Variants in DUS4L observed in about 807,000 individuals in gnomAD.
DUS4L encodes the protein tRNA-dihydrouridine(20a/20b) synthase [NAD(P)+]-like.
Under a neutral mutation model 33.8 loss-of-function variants are expected in DUS4L, and 31 were observed. The observed-to-expected ratio is 0.92, with a 90% confidence interval of 0.69 to 1.24. The LOEUF is 1.24. DUS4L is among the 50% of genes most tolerant of loss of function. The pLI is 0.00. For synonymous variants in DUS4L, 103 were observed against 120.3 expected, an observed-to-expected ratio of 0.86 and a Z score of 0.94; for missense variants, 368 against 388.6, an observed-to-expected ratio of 0.95 and a Z score of 0.45.
rs771211779 is a variant in DUS4L, at chr7:107,577,465, G to T, written c.859G>T (p.Glu287Ter). 1 of 1,614,112 alleles carries T rather than the reference G, an allele frequency of 6.2e-7. No homozygotes were observed. Among genetic ancestry groups the T allele is most frequent in the Admixed American group, 1.7e-5 (1 of 60,022 alleles). The change falls in exon 8 of 8, where the codon GAA becomes TAA. Residue 287 changes from glutamate to a stop codon, truncating the protein, a stop_gained. Coordinates refer to ENST00000265720, the MANE Select transcript of DUS4L (RefSeq NM_181581.3). LOFTEE classifies it high-confidence loss of function. Reference sequence around the variant, plus strand: ...CCATCAACATTTAATGTACATGATGGAAAAGATAACTTCAAGGCAGGAAAA... The same window carrying T: ...CCATCAACATTTAATGTACATGATGTAAAAGATAACTTCAAGGCAGGAAAA... ...CFHQHLMYMMEKITSRQEKRV... is the reference protein window; with the variant it reads ...CFHQHLMYMM
Position 107,576,542 on chromosome 7 carries a change from T to A in DUS4L, c.656T>A (p.Ile219Asn). The part of the protein sequence containing the change: ...MSIPVIANGD[I>N]RSLKEAENVW... ...ATACCTGTAATTGCTAATGGAGACA[T>A]CAGAAGCTTAAAGGAAGCAGAAAAT... Residue 219 changes from isoleucine (I) to asparagine (N), a missense_variant, in exon 7 of 8, where the codon ATC becomes AAC. Physicochemically the swap from Ile to Asn is moderately radical, Grantham distance 149 (BLOSUM62 -3). Coordinates refer to ENST00000265720, the MANE Select transcript of DUS4L (RefSeq NM_181581.3). 6.2e-7 allele frequency: 1 copy of A among 1,600,220 alleles called. No homozygotes were observed. Among genetic ancestry groups the A allele is most frequent in the Non-Finnish European group, 8.5e-7 (1 of 1,174,672 alleles).
At position 107,578,476 on chromosome 7, in the gene DUS4L, CTG is replaced by C. The variant is rs1332669274; in HGVS notation, c.*918_*919del. The C allele has an allele frequency of 5.3e-5, 8 of 152,228 alleles. No individual in the cohort carries two copies. In the South Asian group the frequency reaches 1.7e-3, roughly 32 times the overall value. 9.4% of individuals were successfully genotyped at this position (152,228 alleles called of 1,614,324 possible). ...GTTATAAGGAAACAATTATGTAAAA[CTG>C]TTTAATTCACGTTTGGGAATATTGA... On this transcript the variant is annotated 3_prime_UTR_variant, in exon 8 of 8. Coordinates refer to ENST00000265720, the MANE Select transcript of DUS4L (RefSeq NM_181581.3).
intron 2 of DUS4L, among the ~76,000 whole-genome samples, chr7:107,566,270 T>C (rs1298923865): frequency 6.6e-6 from 1 of 152,228 alleles, no homozygotes; most frequent in Non-Finnish European, 1.5e-5. Flanking sequence ...TTGTTGTTGT[T>C]ATTTTCTGCT....
rs537018094 is a variant in DUS4L, at chr7:107,567,788, C to T, written c.116+602C>T. 423 of 452,218 alleles carry T rather than the reference C, an allele frequency of 9.4e-4. 9 individuals are homozygous for T. Among genetic ancestry groups the T allele is most frequent in the South Asian group, 6.6e-3 (415 of 62,932 alleles). 28.0% of individuals were successfully genotyped at this position (452,218 alleles called of 1,614,324 possible). A position where few individuals can be genotyped will look rare whatever the true frequency, so the allele number is the denominator to read the frequency against. ...AATTCTATCACATTAAACTGTGACT[C>T]CCCATTCCACTGTTCCTCACAGCAG... is the stretch of plus-strand genomic sequence containing the variant. On this transcript the variant is annotated intron_variant, in intron 3 of 7. Transcript: ENST00000265720.
chr7:107,567,601 T>A (rs1804827094), intron 3 of DUS4L, among the ~76,000 whole-genome samples: 1 of 152,156 alleles, frequency 6.6e-6, no homozygotes, highest in Admixed American at 6.5e-5. Flanking sequence ...AATTGGATTG[T>A]TTGCTCTTTT....
At chr7:107,571,046 T>A (rs1273419704) in intron 3 of DUS4L, 99 bp from the exon 4 acceptor site, 1 of 1,476,754 alleles carries the variant, frequency 6.8e-7, no homozygotes, top group Non-Finnish European at 9.2e-7. Context: ...CTCCTCCATC[T>A]CCCCATAGGT....
intron 4 of DUS4L, among the ~76,000 whole-genome samples, chr7:107,571,861 G>A (rs190961531): frequency 6.6e-6 from 1 of 152,002 alleles, no homozygotes; most frequent in South Asian, 2.1e-4. Context: ...TCTTCCTTCA[G>A]TTTCTCCCCA....
At position 107,571,235 on chromosome 7, in the gene DUS4L, A is replaced by G. The variant is rs1217329352; in HGVS notation, c.207A>G (p.Lys69=). Residue 69 remains lysine, a synonymous_variant, in exon 4 of 8, where the codon AAA becomes AAG. Transcript: ENST00000265720. ...CCGCTGATTTTGTCAAATCTATAAA[A>G]GCCAGAGACAGCGAATTTACCACAA... The part of the protein sequence containing the change: ...IVAADFVKSI[K]ARDSEFTTNQ... The G allele has an allele frequency of 6.2e-7, 1 of 1,611,014 alleles. No individual in the cohort carries two copies. Among genetic ancestry groups the G allele is most frequent in the African/African-American group, 1.3e-5 (1 of 74,734 alleles).
chr7:107,575,698 A>C, intron 6 of DUS4L: 1 of 169,140 alleles, frequency 5.9e-6, no homozygotes, highest in Admixed American at 6.1e-5. Context: ...TTGAAAACAT[A>C]TTTCTTTTTT....
In DUS4L at chr7:107,573,693, C is replaced by A. The variant is rs912710102; in HGVS notation, c.239-11C>A. 6.2e-7 allele frequency: 1 copy of A among 1,602,302 alleles called. No individual in the cohort carries two copies. The highest frequency in any genetic ancestry group is 1.1e-5 in the South Asian group (1 of 88,564). On this transcript the variant is annotated splice_polypyrimidine_tract_variant and intron_variant, in intron 4 of 7. Coordinates refer to ENST00000265720, the MANE Select transcript of DUS4L (RefSeq NM_181581.3). ...CTGTGAATTTTAATGTTGAGCTATT[C>A]ATTTTGTCAGGTGATTGCCCATTGA...
Position 107,571,136 on chromosome 7 carries a change from T to C in DUS4L, c.117-9T>C. ...CTAAATGCATAATTAAGGTTTTATA[T>C]GCTCACAGGTTGGCTTTTAGGACAC... is the stretch of plus-strand genomic sequence containing the variant. On this transcript the variant is annotated splice_polypyrimidine_tract_variant and intron_variant, in intron 3 of 7. Coordinates refer to ENST00000265720, the MANE Select transcript of DUS4L (RefSeq NM_181581.3). 2 of 1,613,516 alleles carry C rather than the reference T, an allele frequency of 1.2e-6. No individual in the cohort carries two copies. The highest frequency in any genetic ancestry group is 1.3e-5 in the African/African-American group (1 of 75,050).
chr7:107,565,415 A>T (rs1263970013), intron 2 of DUS4L, among the ~76,000 whole-genome samples: 1 of 152,230 alleles, frequency 6.6e-6, no homozygotes, highest in African/African-American at 2.4e-5. Flanking sequence ...TGATGCCTGC[A>T]TCCTGAGCCC....
Position 107,567,163 on chromosome 7 carries a change from T to C in DUS4L, c.93T>C (p.Cys31=). 1 of 1,613,290 alleles carries C rather than the reference T, an allele frequency of 6.2e-7. No homozygotes were observed. Among genetic ancestry groups the C allele is most frequent in the Non-Finnish European group, 8.5e-7 (1 of 1,179,568 alleles). ...MFHSGQLVKV[C]APMVRYSKLA... ...ATTCTGGACAGCTGGTAAAAGTCTG[T>C]GCCCCAATGGTTCGATATTCAAAGT... is the stretch of plus-strand genomic sequence containing the variant. Residue 31 remains cysteine (C), a synonymous_variant, in exon 3 of 8, where the codon TGT becomes TGC. Transcript: ENST00000265720.
At chr7:107,573,912 T>A in intron 5 of DUS4L, 91 bp downstream of exon 5, 3 of 1,380,086 alleles carry the variant, frequency 2.2e-6, no homozygotes, top group Non-Finnish European at 1.9e-6. Flanking sequence ...TTTCCAAAAA[T>A]TAAAAAGAAA....
chr7:107,576,559 G>T lies in DUS4L; in HGVS notation c.673G>T (p.Ala225Ser), dbSNP rs1453897333. The T allele has an allele frequency of 6.3e-7, 1 of 1,591,856 alleles. No homozygotes were observed. Among genetic ancestry groups the T allele is most frequent in the South Asian group, 1.2e-5 (1 of 86,714 alleles). ...ANGDIRSLKE[A>S]ENVWRITGTD... ...TGGAGACATCAGAAGCTTAAAGGAA[G>T]CAGAAAATGTGTGGCGGATTACTGG... The change falls in exon 7 of 8, where the codon GCA (alanine) becomes TCA (serine). Residue 225 changes from alanine (A) to serine (S), a missense_variant. Physicochemically the swap from Ala to Ser is moderately conservative, Grantham distance 99 (BLOSUM62 1). Transcript: ENST00000265720.
In DUS4L at chr7:107,573,754, T is replaced by C. The variant is rs959253044; in HGVS notation, c.289T>C (p.Ser97Pro). The stretch of plus-strand genomic sequence containing the variant: ...TGCTGCTAACGATGCAAGACTTTTA[T>C]CTGATGCTGCTCGTATAGTCTGTCC... The part of the protein sequence containing the change: ...QFAANDARLL[S>P]DAARIVCPYA... The change falls in exon 5 of 8, where the codon TCT becomes CCT. Residue 97 changes from serine to proline, a missense_variant. Ser to Pro is a moderately conservative substitution (Grantham distance 74). Transcript: ENST00000265720. 4.3e-6 allele frequency: 7 copies of C among 1,611,696 alleles called. No individual in the cohort carries two copies. The highest frequency in any genetic ancestry group is 5.9e-6 in the Non-Finnish European group (7 of 1,178,986).
intron 3 of DUS4L, chr7:107,567,808 C>T: frequency 2.2e-6 from 1 of 445,778 alleles, no homozygotes; most frequent in East Asian, 7.1e-5. Context: ...CTGTTCCTCA[C>T]AGCAGCCCCT....
At chr7:107,565,732 C>G (rs1487218121) in intron 2 of DUS4L, among the ~76,000 whole-genome samples, 2 of 152,058 alleles carry the variant, frequency 1.3e-5, no homozygotes, top group Non-Finnish European at 2.9e-5. Context: ...ACTATATTGC[C>G]CAAGCTGGTC....
chr7:107,571,846 C>T (rs1225985084), intron 4 of DUS4L, among the ~76,000 whole-genome samples: 1 of 152,102 alleles, frequency 6.6e-6, no homozygotes, highest in Non-Finnish European at 1.5e-5. Context: ...TCTTCTGCAG[C>T]CTTATCTTCC....
Sources: allele counts gnomAD v4.1 joint callset (sites outside exome capture counted in the v4.1 genomes callset), GRCh38; gene constraint gnomAD v4.1.1; transcripts MANE v1.5; gene names NCBI Gene and HGNC (gene_info 2026-07-23, HGNC 2026-07-21).